FGF13: variants seen among roughly 807,000 people sequenced by gnomAD.
FGF13 encodes the protein fibroblast growth factor 13, also known as fibroblast growth factor homologous factor 2.
In FGF13, 2 loss-of-function variants were observed where a neutral mutation model predicts 19.5. That is an observed-to-expected ratio of 0.10 (90% CI 0.04 to 0.32). FGF13 has a LOEUF of 0.32. Among genes scored for constraint, FGF13 ranks in the 10% least tolerant of loss-of-function variants. The pLI, the probability that FGF13 is intolerant of heterozygous loss-of-function variation, is 1.00. For synonymous variants in FGF13, 72 were observed against 76.9 expected, an observed-to-expected ratio of 0.94 and a Z score of 0.33; for missense variants, 113 against 192.7, an observed-to-expected ratio of 0.59 and a Z score of 2.45.
At chrX:139,142,024 T>C (rs1288194856) in intron 1 of FGF13, among the ~76,000 whole-genome samples, 2 of 111,558 alleles carry the variant, frequency 1.8e-5, no homozygotes, top group African/African-American at 3.3e-5. Flanking sequence ...CTGAAGACAT[T>C]GCCGGGCTCA....
chrX:138,953,971 T>C (rs892433103), intron 1 of FGF13, among the ~76,000 whole-genome samples: 4 of 111,380 alleles, frequency 3.6e-5, no homozygotes, highest in Non-Finnish European at 7.5e-5. Context: ...AGAAACTTTC[T>C]AGGATGAAGG....
chrX:139,064,281 C>CTTTTTTTTTTTTTT (rs139084376), intron 1 of FGF13, among the ~76,000 whole-genome samples: 4 of 23,159 alleles, frequency 1.7e-4, no homozygotes, highest in Non-Finnish European at 2.7e-4. Flanking sequence ...CTTTTTTTTT[C>CTTTTTTTTTTTTTT]TTTTTTTTTT....
At chrX:139,096,219 A>G (rs750786724) in intron 1 of FGF13, among the ~76,000 whole-genome samples, 3 of 111,881 alleles carry the variant, frequency 2.7e-5, no homozygotes, top group South Asian at 7.5e-4. Flanking sequence ...AAAACAACAC[A>G]ATACTTGCTA....
At chrX:138,633,043 A>G in intron 4 of FGF13, 57 bp from the exon 5 acceptor site, 1 of 1,151,902 alleles carries the variant, frequency 8.7e-7, no homozygotes, top group South Asian at 2.0e-5. Context: ...CCAATTGTGA[A>G]AATTTCTAAG....
chrX:138,706,005 T>C (rs2089988717), intron 2 of FGF13, among the ~76,000 whole-genome samples: 1 of 112,594 alleles, frequency 8.9e-6, no homozygotes, highest in Admixed American at 9.4e-5. Flanking sequence ...AAACACCTTC[T>C]ATTTGAAGGG....
At chrX:139,184,412 C>A (rs1415664245) in intron 1 of FGF13, among the ~76,000 whole-genome samples, 1 of 111,353 alleles carries the variant, frequency 9.0e-6, no homozygotes, top group Non-Finnish European at 1.9e-5. Context: ...AAGTTGGTAA[C>A]CCTCTTCCCC....
At position 138,839,574 on chromosome X, in the gene FGF13, A is replaced by G. The variant is rs111668901; in HGVS notation, c.217+17938T>C. On this transcript the variant is annotated intron_variant, in intron 3 of 6. Coordinates refer to the FGF13 transcript ENST00000436198. The stretch of plus-strand genomic sequence containing the variant: ...AAAATCTCAAGTTAAAATGTCAGAT[A>G]TGAAAATCTTTAATAAATCAGGTCT... Among the ~76,000 whole-genome samples, 382 of 111,997 alleles carry G rather than the reference A, an allele frequency of 3.4e-3. 1 individual carries two copies. Among genetic ancestry groups the G allele is most frequent in the African/African-American group, 0.012 (369 of 30,899 alleles).
At chrX:138,819,115 G>A (rs187028281) in intron 3 of FGF13, among the ~76,000 whole-genome samples, 2 of 111,227 alleles carry the variant, frequency 1.8e-5, no homozygotes, top group Non-Finnish European at 3.8e-5. Flanking sequence ...CTTACAGTTT[G>A]TATGGTAGTT....
At chrX:138,810,018 C>T (rs1251295180) in intron 3 of FGF13, among the ~76,000 whole-genome samples, 1 of 111,621 alleles carries the variant, frequency 9.0e-6, no homozygotes, top group Non-Finnish European at 1.9e-5. Context: ...GCCATACTGC[C>T]CAAGGTAACT....
intron 1 of FGF13, among the ~76,000 whole-genome samples, chrX:138,725,906 T>C (rs1485742464): frequency 1.8e-5 from 2 of 111,394 alleles, no homozygotes; most frequent in African/African-American, 6.5e-5. Flanking sequence ...TGCACATAAC[T>C]AGAAACAGCA....
chrX:138,946,155 C>T (rs2091780828), intron 1 of FGF13, among the ~76,000 whole-genome samples: 1 of 111,698 alleles, frequency 9.0e-6, no homozygotes, highest in Non-Finnish European at 1.9e-5. Flanking sequence ...TAATACCTCT[C>T]TTGCAGAGTT....
At chrX:139,071,123 T>C (rs761457690) in intron 1 of FGF13, among the ~76,000 whole-genome samples, 1 of 111,396 alleles carries the variant, frequency 9.0e-6, no homozygotes, top group Admixed American at 9.6e-5. Flanking sequence ...TAATTTAAAG[T>C]ATAATAATAA....
chrX:138,946,230 T>C (rs1368557894), intron 1 of FGF13, among the ~76,000 whole-genome samples: 1 of 111,627 alleles, frequency 9.0e-6, no homozygotes. Context: ...TTCCAATAAA[T>C]GGGGGCTCTT....
At chrX:138,765,539 A>G (rs2090496656) in intron 3 of FGF13, among the ~76,000 whole-genome samples, 1 of 112,264 alleles carries the variant, frequency 8.9e-6, no homozygotes, top group Non-Finnish European at 1.9e-5. Flanking sequence ...TCAAGGCACA[A>G]TTTGAATTAG....
rs1394066750 is a variant in FGF13, at chrX:138,617,240, A to G, written c.*15610T>C. Reference sequence around the variant, plus strand: ...TAGCTCCATTTCTCCCCCAAGAAATATAGAAATATTAAACTCTACTTCCTG... The same window carrying G: ...TAGCTCCATTTCTCCCCCAAGAAATGTAGAAATATTAAACTCTACTTCCTG... On this transcript the variant is annotated 3_prime_UTR_variant, in exon 5 of 5. Transcript: ENST00000315930. The G allele has an allele frequency of 3.6e-5, 4 of 112,306 alleles. No individual in the cohort carries two copies. The highest frequency in any genetic ancestry group is 9.7e-5 in the African/African-American group (3 of 30,927). The allele number at this position is 112,306 out of a possible 1,213,427, so 9.3% of individuals were successfully genotyped here. A position where few individuals can be genotyped will look rare whatever the true frequency, so the allele number is the denominator to read the frequency against.
intron 1 of FGF13, among the ~76,000 whole-genome samples, chrX:138,957,692 T>C (rs1199481552): frequency 8.9e-6 from 1 of 111,880 alleles, no homozygotes; most frequent in Non-Finnish European, 1.9e-5. Context: ...TTTTATTTCA[T>C]TGAGCAGGGG....
chrX:139,162,839 G>A (rs771621668), intron 1 of FGF13, among the ~76,000 whole-genome samples: 1 of 112,445 alleles, frequency 8.9e-6, no homozygotes, highest in Admixed American at 9.4e-5. Context: ...AAACCACAAT[G>A]AGATACCATC....
chrX:139,168,681 G>A (rs968199061), intron 1 of FGF13, among the ~76,000 whole-genome samples: 1 of 112,041 alleles, frequency 8.9e-6, no homozygotes, highest in Admixed American at 9.5e-5. Flanking sequence ...ATCAGTGAGG[G>A]ATACACAAGG....
chrX:138,801,927 C>T (rs2090832858), intron 3 of FGF13, among the ~76,000 whole-genome samples: 1 of 111,532 alleles, frequency 9.0e-6, no homozygotes, highest in Non-Finnish European at 1.9e-5. Flanking sequence ...GGATGCCCCT[C>T]CCCCTACCAA....
Sources: allele counts gnomAD v4.1 joint callset (sites outside exome capture counted in the v4.1 genomes callset), GRCh38; gene constraint gnomAD v4.1.1; transcripts MANE v1.5; gene names NCBI Gene and HGNC (gene_info 2026-07-23, HGNC 2026-07-21).